The following BTBD9 variants were observed in gnomAD, a reference collection of about 807,000 sequenced individuals.
BTBD9 encodes BTB domain containing 9.
Under a neutral mutation model 64.3 loss-of-function variants are expected in BTBD9, and 49 were observed. The ratio of observed to expected loss-of-function variants is 0.76; its 90% confidence interval spans 0.61 to 0.97. BTBD9 has a LOEUF of 0.97. Ranked by LOEUF, BTBD9 falls within the 50% of genes least tolerant of loss-of-function variation. BTBD9 has a pLI of 0.00. For missense variants in BTBD9, 598 were observed against 762.1 expected, an observed-to-expected ratio of 0.78 and a Z score of 2.53; for synonymous variants, 260 against 274.7, an observed-to-expected ratio of 0.95 and a Z score of 0.53.
chr6:38,535,098 G>A (rs1167950291), intron 6 of BTBD9, among the ~76,000 whole-genome samples: 1 of 152,056 alleles, frequency 6.6e-6, no homozygotes, highest in African/African-American at 2.4e-5. Flanking sequence ...AAGAGGATAT[G>A]ATCTTACATT....
At chr6:38,286,018 G>A (rs897388062) in intron 8 of BTBD9, among the ~76,000 whole-genome samples, 9 of 152,194 alleles carry the variant, frequency 5.9e-5, no homozygotes, top group Non-Finnish European at 1.2e-4. Flanking sequence ...TGACAGAAAG[G>A]AAGGTGGGGT....
chr6:38,522,769 A>G (rs965941660), intron 6 of BTBD9, among the ~76,000 whole-genome samples: 1 of 152,100 alleles, frequency 6.6e-6, no homozygotes, highest in African/African-American at 2.4e-5. Flanking sequence ...CTTTCAATCT[A>G]ACGATGTCTG....
intron 6 of BTBD9, among the ~76,000 whole-genome samples, chr6:38,381,920 ATAATGAAAATAACAAT>A (rs1477339446): frequency 7.2e-5 from 11 of 152,206 alleles, no homozygotes; most frequent in Non-Finnish European, 8.8e-5. Context: ...TATAAGAATA[ATAATGAAAATAACAAT>A]TAATGAAAAT....
At chr6:38,339,566 G>A (rs995396266) in intron 7 of BTBD9, among the ~76,000 whole-genome samples, 11 of 152,072 alleles carry the variant, frequency 7.2e-5, no homozygotes, top group Non-Finnish European at 1.3e-4. Context: ...ATTTAAAGAC[G>A]TTGGGAGGAT....
chr6:38,548,481 T>A (rs1263677629), intron 6 of BTBD9, among the ~76,000 whole-genome samples: 1 of 152,214 alleles, frequency 6.6e-6, no homozygotes, highest in African/African-American at 2.4e-5. Flanking sequence ...ACACATTTTT[T>A]CAAGTCATTT....
chr6:38,220,588 T>C (rs1050081118), intron 9 of BTBD9, among the ~76,000 whole-genome samples: 1 of 152,262 alleles, frequency 6.6e-6, no homozygotes, highest in African/African-American at 2.4e-5. Flanking sequence ...TTTATCACAA[T>C]GAGAAGGCTG....
At chr6:38,339,269 T>C (rs368109210) in intron 7 of BTBD9, among the ~76,000 whole-genome samples, 1 of 152,232 alleles carries the variant, frequency 6.6e-6, no homozygotes, top group Non-Finnish European at 1.5e-5. Context: ...GGTATATCTA[T>C]ACTAATGAGG....
intron 6 of BTBD9, among the ~76,000 whole-genome samples, chr6:38,525,186 C>A (rs1407435797): frequency 2.0e-5 from 3 of 152,140 alleles, no homozygotes; most frequent in Non-Finnish European, 2.9e-5. Context: ...GTTTCCCCTA[C>A]ACTGTTCTCA....
At position 38,335,826 on chromosome 6, in the gene BTBD9, C is replaced by T. The variant is rs116248648; in HGVS notation, c.1264+9158G>A. On this transcript the variant is annotated intron_variant, in intron 7 of 10. Coordinates refer to ENST00000481247, the MANE Select transcript of BTBD9 (RefSeq NM_001099272.2). Reference sequence around the variant, plus strand: ...TTGGCTCACCGCAACCTTTGCTTTCCGGATTCAAGCGATTCTCCTGCCTTA... The same window carrying T: ...TTGGCTCACCGCAACCTTTGCTTTCTGGATTCAAGCGATTCTCCTGCCTTA... 3.4e-3 allele frequency among the ~76,000 whole-genome samples: 516 copies of T among 152,264 alleles called. 2 individuals carry two copies. Among genetic ancestry groups the T allele is most frequent in the Non-Finnish European group, 5.6e-3 (381 of 68,012 alleles).
At chr6:38,536,517 A>G (rs1774028886) in intron 6 of BTBD9, among the ~76,000 whole-genome samples, 1 of 152,196 alleles carries the variant, frequency 6.6e-6, no homozygotes, top group Non-Finnish European at 1.5e-5. Flanking sequence ...TCAGAGAGTT[A>G]TCTGTACTCC....
intron 6 of BTBD9, among the ~76,000 whole-genome samples, chr6:38,552,967 T>C (rs942713187): frequency 6.6e-6 from 1 of 152,154 alleles, no homozygotes; most frequent in African/African-American, 2.4e-5. Flanking sequence ...ACAGTATTTG[T>C]ATAGTATAAC....
chr6:38,411,952 CATACACACACAT>C (rs1303674733), intron 6 of BTBD9, among the ~76,000 whole-genome samples: 3 of 151,950 alleles, frequency 2.0e-5, no homozygotes, highest in African/African-American at 7.3e-5. Context: ...TGTGTACACA[CATACACACACAT>C]ATACACACAC....
intron 6 of BTBD9, among the ~76,000 whole-genome samples, chr6:38,535,845 C>A (rs1774000056): frequency 6.6e-6 from 1 of 151,848 alleles, no homozygotes; most frequent in Non-Finnish European, 1.5e-5. Flanking sequence ...AAAACCAAGT[C>A]AAAATGGATT....
At chr6:38,301,285 C>T (rs1246899603) in intron 7 of BTBD9, among the ~76,000 whole-genome samples, 8 of 152,120 alleles carry the variant, frequency 5.3e-5, no homozygotes, top group Admixed American at 1.3e-4. Context: ...AGGATTTTTG[C>T]ATCAATGTTC....
chr6:38,589,392 G>T (rs1023140262), intron 4 of BTBD9, among the ~76,000 whole-genome samples: 1 of 152,152 alleles, frequency 6.6e-6, no homozygotes, highest in African/African-American at 2.4e-5. Context: ...CAGTTCTAGG[G>T]CCTTTTCAGC....
chr6:38,319,309 G>A (rs1763142703), intron 7 of BTBD9, among the ~76,000 whole-genome samples: 1 of 152,082 alleles, frequency 6.6e-6, no homozygotes, highest in African/African-American at 2.4e-5. Context: ...ATAAAATAAA[G>A]ATAATAATCC....
At chr6:38,519,063 G>C (rs946377513) in intron 6 of BTBD9, among the ~76,000 whole-genome samples, 4 of 152,294 alleles carry the variant, frequency 2.6e-5, no homozygotes, top group Admixed American at 1.3e-4. Flanking sequence ...AATTCAATTA[G>C]TGTAATTCAA....
At chr6:38,458,275 T>G in intron 6 of BTBD9, among the ~76,000 whole-genome samples, 1 of 152,220 alleles carries the variant, frequency 6.6e-6, no homozygotes. Context: ...GTTCTTTCAT[T>G]AGAGTTTACA....
intron 1 of BTBD9, among the ~76,000 whole-genome samples, chr6:38,632,360 G>C (rs1778390250): frequency 6.6e-6 from 1 of 152,146 alleles, no homozygotes; most frequent in African/African-American, 2.4e-5. Flanking sequence ...AAACTGCAAG[G>C]AATGAAAACC....
Sources: allele counts gnomAD v4.1 joint callset (sites outside exome capture counted in the v4.1 genomes callset), GRCh38; gene constraint gnomAD v4.1.1; transcripts MANE v1.5; gene names NCBI Gene and HGNC (gene_info 2026-07-23, HGNC 2026-07-21).